Variants in GNAS observed in about 807,000 individuals in gnomAD.
GNAS encodes GNAS complex locus, also known as protein ALEX.
Under a neutral mutation model 54.5 loss-of-function variants are expected in GNAS, and 8 were observed. The observed-to-expected ratio is 0.15, with a 90% confidence interval of 0.09 to 0.26. The LOEUF is 0.26. Among genes scored for constraint, GNAS ranks in the 10% least tolerant of loss-of-function variants. The probability of loss-of-function intolerance (pLI) is 1.00; values close to 1 mark genes in which losing one functional copy is unlikely to be tolerated. For missense variants in GNAS, 170 were observed against 529.8 expected (o/e 0.32, Z 6.67); for synonymous variants, 204 against 191.4 (o/e 1.07, Z -0.54).
At chr20:58,852,148 G>A (rs1421737013) in intron 1 of GNAS, among the ~76,000 whole-genome samples, 2 of 151,928 alleles carry the variant, frequency 1.3e-5, no homozygotes, top group Non-Finnish European at 2.9e-5. Flanking sequence ...CTTTGCTCTT[G>A]GTGGTACGCA....
At chr20:58,894,194 CTG>C (rs1288575734) in intron 1 of GNAS, among the ~76,000 whole-genome samples, 1 of 152,182 alleles carries the variant, frequency 6.6e-6, no homozygotes, top group African/African-American at 2.4e-5. Flanking sequence ...AATGTGGAAA[CTG>C]AGGCACGGAT....
Position 58,910,395 on chromosome 20 carries a change from G to A in GNAS, c.1032G>A (p.Glu344=), listed in dbSNP as rs2091359109. 1.2e-6 allele frequency: 2 copies of A among 1,610,252 alleles called. No individual in the cohort carries two copies. Among genetic ancestry groups the A allele is most frequent in the Non-Finnish European group, 8.5e-7 (1 of 1,176,504 alleles). Residue 344 remains glutamate (E), a synonymous_variant, in exon 12 of 13, where the codon GAG becomes GAA. Transcript: ENST00000371085. The surrounding 1 kb of genome is among the most constrained non-coding windows in gnomAD (Gnocchi z 5.8). The stretch of plus-strand genomic sequence containing the variant: ...GGGCCAAGTACTTCATTCGAGATGA[G>A]TTTCTGGTGAGTCGAGCCTGTCTTT... ...VTRAKYFIRD[E]FLRISTASGD... is the part of the protein sequence containing the mutation.
intron 1 of GNAS, among the ~76,000 whole-genome samples, chr20:58,848,649 G>T (rs77425686): frequency 6.6e-6 from 1 of 152,142 alleles, no homozygotes; most frequent in Non-Finnish European, 1.5e-5. Context: ...TCTTGAGCTA[G>T]CAAAATTATC....
At chr20:58,906,810 A>C (rs897177618) in intron 6 of GNAS, among the ~76,000 whole-genome samples, 2 of 152,190 alleles carry the variant, frequency 1.3e-5, no homozygotes, top group Non-Finnish European at 2.9e-5. Context: ...GATTACAGGC[A>C]TGAGCCACCG....
chr20:58,871,928 G>C (rs929063789), intron 1 of GNAS, among the ~76,000 whole-genome samples: 11 of 152,166 alleles, frequency 7.2e-5, no homozygotes, highest in Admixed American at 6.5e-4. Context: ...TGCCAAGGAG[G>C]GTGTGGCTGG....
intron 6 of GNAS, among the ~76,000 whole-genome samples, chr20:58,907,876 G>A (rs1249485697): frequency 2.6e-5 from 4 of 152,230 alleles, no homozygotes; most frequent in Admixed American, 2.0e-4. Flanking sequence ...CATTTCTTAA[G>A]CTGTCTATTT....
intron 1 of GNAS, among the ~76,000 whole-genome samples, chr20:58,894,740 A>G (rs1245447665): frequency 6.6e-6 from 1 of 152,216 alleles, no homozygotes. Flanking sequence ...AAGGGCTTGG[A>G]ATCTTTCAAA....
chr20:58,894,988 A>G (rs2089907472), intron 1 of GNAS, among the ~76,000 whole-genome samples: 1 of 152,178 alleles, frequency 6.6e-6, no homozygotes, highest in African/African-American at 2.4e-5. Context: ...AGGAAAGAGG[A>G]GGATGGATAA....
chr20:58,899,886 G>A, intron 3 of GNAS: 1 of 716,174 alleles, frequency 1.4e-6, no homozygotes, highest in Non-Finnish European at 2.6e-6. Flanking sequence ...GAGGGGAGGG[G>A]CAAAGATATT....
At chr20:58,895,548 G>T in intron 1 of GNAS, 64 bp from the exon 2 acceptor site, 1 of 959,546 alleles carries the variant, frequency 1.0e-6, no homozygotes, top group South Asian at 1.3e-5. Flanking sequence ...AACAACAGCA[G>T]ACCTCCCTGC....
At chr20:58,840,444 G>GCGAGACCGAGTCCGAAAT (rs1341280871), upstream of GNAS, 1 of 1,613,368 alleles carries the variant, frequency 6.2e-7, no homozygotes, top group Admixed American at 1.7e-5. The surrounding 1 kb of genome is among the most constrained non-coding windows in gnomAD (Gnocchi z 6.0). Flanking sequence ...GAGACCGAGA[G>GCGAGACCGAGTCCGAAAT]CGAGACCGAG....
At chr20:58,843,136 C>G (rs2085802974) in intron 1 of GNAS, among the ~76,000 whole-genome samples, 1 of 152,150 alleles carries the variant, frequency 6.6e-6, no homozygotes, top group African/African-American at 2.4e-5. Flanking sequence ...ATCTGCATTA[C>G]AGCCCAATTG....
At chr20:58,842,259 C>T in intron 1 of GNAS, 2 of 398,336 alleles carry the variant, frequency 5.0e-6, no homozygotes, top group Non-Finnish European at 8.8e-6. Context: ...TAAAAAATCT[C>T]ATCCGACTTG....
chr20:58,875,664 T>C (rs556470226), intron 1 of GNAS, among the ~76,000 whole-genome samples: 1 of 152,336 alleles, frequency 6.6e-6, no homozygotes, highest in Admixed American at 6.5e-5. Flanking sequence ...TGCTTAGTGT[T>C]ATTCTGCCTG....
At chr20:58,896,268 C>T (rs1289607733) in intron 2 of GNAS, among the ~76,000 whole-genome samples, 3 of 151,962 alleles carry the variant, frequency 2.0e-5, no homozygotes, top group South Asian at 4.1e-4. Flanking sequence ...ATGGGTAAAT[C>T]ATTGTTTCCC....
Position 58,857,284 on chromosome 20 carries a change from A to G in GNAS, c.43+16398A>G, listed in dbSNP as rs1203554351. 1.3e-5 allele frequency: 2 copies of G among 152,248 alleles called. No homozygotes were observed. Among genetic ancestry groups the G allele is most frequent in the African/African-American group, 2.4e-5 (1 of 41,474 alleles). The allele number at this position is 152,248 out of a possible 1,614,324, so 9.4% of individuals were successfully genotyped here. ...TTGTGTATGCCCATCCAGGTAGATCATGACATTGTCATTTACCTAAAGACA... is the reference window on the plus strand; with the variant it reads ...TTGTGTATGCCCATCCAGGTAGATCGTGACATTGTCATTTACCTAAAGACA... On this transcript the variant is annotated intron_variant, in intron 1 of 12. Transcript: ENST00000306090. This position sits in a 1 kb window ranked among gnomAD's most constrained non-coding sequence, Gnocchi z 4.1.
In GNAS at chr20:58,853,872, C is replaced by T; in HGVS notation, c.43+12986C>T. 1 of 1,596,228 alleles carries T rather than the reference C, an allele frequency of 6.3e-7. No homozygotes were observed. Among genetic ancestry groups the T allele is most frequent in the Non-Finnish European group, 8.5e-7 (1 of 1,171,920 alleles). On this transcript the variant is annotated intron_variant, in intron 1 of 12. Transcript: ENST00000306090. The surrounding 1 kb of genome is among the most constrained non-coding windows in gnomAD (Gnocchi z 4.4). Reference sequence around the variant, plus strand: ...CCCCGGAGCTCCTCCCGAGGAGCCCCAAGCCCTCAGGCCTGCAAAGGCTGG... The same window carrying T: ...CCCCGGAGCTCCTCCCGAGGAGCCCTAAGCCCTCAGGCCTGCAAAGGCTGG...
At chr20:58,896,653 CAAAA>C (rs1055456707) in intron 2 of GNAS, among the ~76,000 whole-genome samples, 1 of 150,740 alleles carries the variant, frequency 6.6e-6, no homozygotes, top group Non-Finnish European at 1.5e-5. Context: ...AAAAACAAAA[CAAAA>C]AAACTAAGTT....
chr20:58,899,591 T>G, intron 3 of GNAS: 1 of 568,078 alleles, frequency 1.8e-6, no homozygotes, highest in South Asian at 1.5e-5. Context: ...ATGGCATCTT[T>G]TATTTTTCCA....
Sources: allele counts gnomAD v4.1 joint callset (sites outside exome capture counted in the v4.1 genomes callset), GRCh38; gene constraint gnomAD v4.1.1; non-coding constraint Gnocchi (gnomAD v3.1); transcripts MANE v1.5; gene names NCBI Gene and HGNC (gene_info 2026-07-23, HGNC 2026-07-21).